Variants in DGKB observed in about 807,000 individuals in gnomAD.
DGKB encodes diacylglycerol kinase beta, also known as 90 kDa diacylglycerol kinase.
DGKB carries 67 observed loss-of-function variants against 114.3 expected under a neutral mutation model. The ratio of observed to expected loss-of-function variants is 0.59; its 90% CI spans 0.48 to 0.72. The LOEUF (loss-of-function observed/expected upper bound fraction) is 0.72. DGKB is among the 30% of genes least tolerant of loss of function. The pLI, the probability that DGKB is intolerant of heterozygous loss-of-function variation, is 0.00. For missense variants in DGKB, 907 were observed against 975.2 expected (o/e 0.93, Z 0.93); for synonymous variants, 398 against 323.1 (o/e 1.23, Z -2.49).
chr7:14,963,170 T>C (rs55828111), intron 1 of DGKB, among the ~76,000 whole-genome samples: 21,845 of 152,124 alleles, frequency 0.14, 1,677 homozygotes, highest in Admixed American at 0.2. Flanking sequence ...CAGAAACGTT[T>C]TGTTATTTTG....
At chr7:14,315,465 A>C (rs199714718) in intron 23 of DGKB, among the ~76,000 whole-genome samples, 2,584 of 151,508 alleles carry the variant, frequency 0.017, 141 homozygotes, top group East Asian at 0.14. Context: ...AAAACAAAAA[A>C]AGGCAGGGGT....
chr7:14,736,276 T>A, intron 4 of DGKB, 82 bp from the exon 5 acceptor site: 1 of 901,270 alleles, frequency 1.1e-6, no homozygotes, highest in South Asian at 2.1e-5. Flanking sequence ...TCATTAGAAG[T>A]AGAAATGACC....
chr7:14,707,244 A>G (rs1826447608), intron 6 of DGKB, among the ~76,000 whole-genome samples: 1 of 144,458 alleles, frequency 6.9e-6, no homozygotes, highest in African/African-American at 2.6e-5. Context: ...CTCGACACAT[A>G]CACTCTCCCA....
At chr7:14,593,702 A>G (rs1195154976) in intron 17 of DGKB, among the ~76,000 whole-genome samples, 1 of 151,952 alleles carries the variant, frequency 6.6e-6, no homozygotes, top group Non-Finnish European at 1.5e-5. Context: ...AAAAATTATG[A>G]GTGGTCATTA....
At position 14,265,318 on chromosome 7, in the gene DGKB, C is replaced by CTTTTTTTTTTTTTTTTT. The variant is rs781569705; in HGVS notation, c.2122+73180_2122+73196dup. Among the ~76,000 whole-genome samples, 596 of 67,706 alleles carry CTTTTTTTTTTTTTTTTT rather than the reference C, an allele frequency of 8.8e-3. 78 individuals carry two copies. The highest frequency in any genetic ancestry group is 0.015 in the East Asian group (20 of 1,364). The allele number at this position is 67,706 out of a possible 152,430, so 44.4% of individuals were successfully genotyped here. A position where few individuals can be genotyped will look rare whatever the true frequency, so the allele number is the denominator to read the frequency against. On this transcript the variant is annotated intron_variant, in intron 23 of 25. Coordinates refer to ENST00000402815, the MANE Select transcript of DGKB (RefSeq NM_001350709.2). ...GGACTGCTGTCTTTTCTCTTGCATT[C>CTTTTTTTTTTTTTTTTT]TTTTTTTTTTTTTTTTTTTTGCTTA... is the stretch of plus-strand genomic sequence containing the variant.
At chr7:14,733,940 A>G (rs1236240187) in intron 5 of DGKB, among the ~76,000 whole-genome samples, 1 of 152,042 alleles carries the variant, frequency 6.6e-6, no homozygotes, top group Non-Finnish European at 1.5e-5. Flanking sequence ...TTTATGGCTC[A>G]ACCATCTATT....
At chr7:14,175,942 C>A (rs1250995547) in intron 25 of DGKB, 1 of 151,946 alleles carries the variant, frequency 6.6e-6, no homozygotes, top group African/African-American at 2.4e-5. Flanking sequence ...GTAGCTGGGA[C>A]TACAGGTGCG....
chr7:14,913,672 T>TGACA (rs1433374871), intron 1 of DGKB, among the ~76,000 whole-genome samples: 106 of 151,698 alleles, frequency 7.0e-4, no homozygotes, highest in Non-Finnish European at 8.8e-5. Flanking sequence ...ACACGGAAGT[T>TGACA]TTTCCTGGGG....
chr7:14,896,842 A>C (rs2128232475), intron 1 of DGKB, among the ~76,000 whole-genome samples: 1 of 151,998 alleles, frequency 6.6e-6, no homozygotes, highest in South Asian at 2.1e-4. Flanking sequence ...GAAACTCAAT[A>C]AAACTTCTTT....
chr7:14,267,137 G>C (rs1400140507), intron 23 of DGKB, among the ~76,000 whole-genome samples: 1 of 152,192 alleles, frequency 6.6e-6, no homozygotes, highest in African/African-American at 2.4e-5. Flanking sequence ...TCAAGTCTTA[G>C]AAGATTCTAT....
At chr7:14,554,030 G>T (rs752881865) in intron 20 of DGKB, among the ~76,000 whole-genome samples, 1 of 151,612 alleles carries the variant, frequency 6.6e-6, no homozygotes, top group Non-Finnish European at 1.5e-5. Context: ...CCGTCACCAC[G>T]CCCGGCTAAT....
intron 20 of DGKB, among the ~76,000 whole-genome samples, chr7:14,519,118 T>C (rs1483765950): frequency 6.6e-6 from 1 of 152,114 alleles, no homozygotes; most frequent in Non-Finnish European, 1.5e-5. Flanking sequence ...ATCATAAAAT[T>C]CACTCATTGA....
At chr7:14,431,115 T>C (rs148879502) in intron 21 of DGKB, among the ~76,000 whole-genome samples, 1 of 152,232 alleles carries the variant, frequency 6.6e-6, no homozygotes, top group African/African-American at 2.4e-5. Context: ...TTCTCCCTTG[T>C]GTTGCCTCCG....
At chr7:14,294,300 G>A (rs1463102727) in intron 23 of DGKB, among the ~76,000 whole-genome samples, 1 of 152,060 alleles carries the variant, frequency 6.6e-6, no homozygotes. Context: ...CCCTTACTAT[G>A]TAACATAATG....
At chr7:14,814,849 G>A (rs1465267944) in intron 2 of DGKB, among the ~76,000 whole-genome samples, 1 of 152,092 alleles carries the variant, frequency 6.6e-6, no homozygotes, top group African/African-American at 2.4e-5. Flanking sequence ...TTGATCAACA[G>A]AATTATGCTC....
intron 23 of DGKB, among the ~76,000 whole-genome samples, chr7:14,305,960 C>T (rs928162393): frequency 1.3e-5 from 2 of 152,144 alleles, no homozygotes; most frequent in African/African-American, 4.8e-5. Context: ...AGCAGATGAA[C>T]TTTCAAGGAA....
intron 21 of DGKB, among the ~76,000 whole-genome samples, chr7:14,407,375 T>C (rs1402026647): frequency 6.6e-6 from 1 of 152,124 alleles, no homozygotes; most frequent in Non-Finnish European, 1.5e-5. Flanking sequence ...CTTATCAGAC[T>C]GTGGTTTGAC....
At chr7:14,375,905 T>C (rs1007733149) in intron 21 of DGKB, among the ~76,000 whole-genome samples, 7 of 152,220 alleles carry the variant, frequency 4.6e-5, no homozygotes. Context: ...TAAATTTCAA[T>C]CCTCTACATG....
intron 20 of DGKB, among the ~76,000 whole-genome samples, chr7:14,523,909 T>C (rs1563397794): frequency 6.6e-6 from 1 of 152,130 alleles, no homozygotes; most frequent in Non-Finnish European, 1.5e-5. Flanking sequence ...GGGGTTACAG[T>C]GTTATGTTTC....
Sources: allele counts gnomAD v4.1 joint callset (sites outside exome capture counted in the v4.1 genomes callset), GRCh38; gene constraint gnomAD v4.1.1; transcripts MANE v1.5; gene names NCBI Gene and HGNC (gene_info 2026-07-23, HGNC 2026-07-21).